HTR1F: variants seen among roughly 807,000 people sequenced by gnomAD.
HTR1F encodes 5-hydroxytryptamine receptor 1F.
A neutral mutation model predicts 24.0 loss-of-function variants in HTR1F; 17 were observed. The observed-to-expected ratio is 0.71, with a 90% CI of 0.48 to 1.06. HTR1F has a LOEUF of 1.06. HTR1F is among the 50% of genes least tolerant of loss of function. The probability of loss-of-function intolerance (pLI) is 0.00; values close to 1 mark genes in which losing one functional copy is unlikely to be tolerated. For synonymous variants in HTR1F, 186 were observed against 156.8 expected (o/e 1.19, Z -1.39); for missense variants, 391 against 427.8 (o/e 0.91, Z 0.76).
chr3:87,844,438 A>G (rs1307117239), intron 2 of HTR1F, among the ~76,000 whole-genome samples: 1 of 134,328 alleles, frequency 7.4e-6, no homozygotes, highest in African/African-American at 3.5e-5. Context: ...GCCCTTTGTC[A>G]GATGAGTAGG....
chr3:87,925,321 G>A (rs1474386528), intron 2 of HTR1F, among the ~76,000 whole-genome samples: 1 of 152,126 alleles, frequency 6.6e-6, no homozygotes, highest in African/African-American at 2.4e-5. Context: ...GGTTGTGGAG[G>A]CTGTTGTGGG....
At chr3:87,958,341 T>C (rs1576089022) in intron 2 of HTR1F, among the ~76,000 whole-genome samples, 1 of 151,720 alleles carries the variant, frequency 6.6e-6, no homozygotes, top group East Asian at 1.9e-4. Context: ...TCTGGTCTAA[T>C]TGTTCCATCA....
chr3:87,924,028 C>A (rs918886825), intron 2 of HTR1F, among the ~76,000 whole-genome samples: 3 of 152,046 alleles, frequency 2.0e-5, no homozygotes, highest in African/African-American at 7.2e-5. Context: ...TGGAAGCATT[C>A]TCAACTGTTT....
At chr3:87,975,783 T>C (rs1705383204) in intron 2 of HTR1F, among the ~76,000 whole-genome samples, 1 of 152,236 alleles carries the variant, frequency 6.6e-6, no homozygotes, top group African/African-American at 2.4e-5. Context: ...TTTTAGTTGA[T>C]AGCCTTGGTT....
At chr3:87,986,827 G>A (rs1005467889) in intron 2 of HTR1F, among the ~76,000 whole-genome samples, 29 of 152,230 alleles carry the variant, frequency 1.9e-4, no homozygotes, top group South Asian at 8.3e-4. Context: ...ATTGCAGGCC[G>A]GGCATGGTGG....
intron 2 of HTR1F, among the ~76,000 whole-genome samples, chr3:87,952,295 A>G (rs1037575931): frequency 2.6e-5 from 4 of 152,028 alleles, no homozygotes; most frequent in African/African-American, 9.7e-5. Context: ...TTTAATATTT[A>G]TCAGTTTTTA....
At chr3:87,940,604 C>CT (rs1296914205) in intron 2 of HTR1F, among the ~76,000 whole-genome samples, 2 of 152,164 alleles carry the variant, frequency 1.3e-5, no homozygotes, top group Admixed American at 6.5e-5. Context: ...CATTGACTTT[C>CT]TTCACAGAAT....
intron 2 of HTR1F, among the ~76,000 whole-genome samples, chr3:87,847,673 C>G (rs1704975763): frequency 6.6e-6 from 1 of 151,790 alleles, no homozygotes. Flanking sequence ...CTGTAACCAA[C>G]CTCTCTTTAT....
chr3:87,825,284 T>C (rs1704440085), intron 2 of HTR1F, among the ~76,000 whole-genome samples: 1 of 152,210 alleles, frequency 6.6e-6, no homozygotes, highest in Non-Finnish European at 1.5e-5. Context: ...TGTCCTGACC[T>C]TACCGATAAT....
intron 2 of HTR1F, among the ~76,000 whole-genome samples, chr3:87,918,452 T>G (rs1212062745): frequency 6.6e-6 from 1 of 152,032 alleles, no homozygotes; most frequent in Non-Finnish European, 1.5e-5. Flanking sequence ...TTGCTGATGA[T>G]TTGATCATTT....
At chr3:87,799,541 G>T (rs1366681599) in intron 1 of HTR1F, among the ~76,000 whole-genome samples, 1 of 152,176 alleles carries the variant, frequency 6.6e-6, no homozygotes, top group Non-Finnish European at 1.5e-5. Context: ...TAAAAGACTT[G>T]AGCCCGAGGC....
At chr3:87,837,858 T>TA (rs1268551634) in intron 2 of HTR1F, among the ~76,000 whole-genome samples, 1 of 152,090 alleles carries the variant, frequency 6.6e-6, no homozygotes, top group Non-Finnish European at 1.5e-5. Context: ...ATATTATTGT[T>TA]ACAGTATAAT....
At chr3:87,885,034 A>G (rs1032014409) in intron 2 of HTR1F, among the ~76,000 whole-genome samples, 1 of 152,232 alleles carries the variant, frequency 6.6e-6, no homozygotes, top group Non-Finnish European at 1.5e-5. Flanking sequence ...TCGACAGAAT[A>G]TACATTCTCC....
At chr3:87,920,190 A>G (rs531243794) in intron 2 of HTR1F, among the ~76,000 whole-genome samples, 1 of 151,960 alleles carries the variant, frequency 6.6e-6, no homozygotes, top group Non-Finnish European at 1.5e-5. Flanking sequence ...CATAAGTGGG[A>G]GCTAAGCTAT....
chr3:87,850,141 A>C (rs904391413), intron 2 of HTR1F, among the ~76,000 whole-genome samples: 1 of 151,986 alleles, frequency 6.6e-6, no homozygotes, highest in Admixed American at 6.6e-5. Flanking sequence ...TCATGCTGCT[A>C]TAAAGACACA....
At chr3:87,937,405 G>C (rs879477881) in intron 2 of HTR1F, among the ~76,000 whole-genome samples, 3 of 152,098 alleles carry the variant, frequency 2.0e-5, no homozygotes, top group Admixed American at 2.0e-4. Context: ...AAAGGCTTTT[G>C]ATAAAATTCG....
At chr3:87,863,456 C>T (rs750000919) in intron 2 of HTR1F, among the ~76,000 whole-genome samples, 1 of 152,182 alleles carries the variant, frequency 6.6e-6, no homozygotes, top group Non-Finnish European at 1.5e-5. Flanking sequence ...GAGATAGCCT[C>T]AGCTAAATAT....
At chr3:87,967,774 T>C (rs151268098) in intron 2 of HTR1F, among the ~76,000 whole-genome samples, 67 of 152,342 alleles carry the variant, frequency 4.4e-4, no homozygotes, top group African/African-American at 1.6e-3. Flanking sequence ...ACTGTAAGTC[T>C]ATTAAACCTC....
intron 2 of HTR1F, among the ~76,000 whole-genome samples, chr3:87,873,961 T>C (rs1268011989): frequency 1.3e-5 from 2 of 151,470 alleles, no homozygotes; most frequent in African/African-American, 4.9e-5. Context: ...AAAATAGGAG[T>C]AGAAGAAATT....
Sources: gnomAD v4.1 joint callset for allele counts (sites outside exome capture counted in the v4.1 genomes callset) on GRCh38, gnomAD v4.1.1 for gene constraint, MANE v1.5 for transcripts, NCBI Gene and HGNC (gene_info 2026-07-23, HGNC 2026-07-21) for gene names.